Variants in ZC3H6 observed in about 807,000 individuals in gnomAD.
The protein encoded by ZC3H6 is zinc finger CCCH-type containing 6.
A neutral mutation model predicts 107.7 loss-of-function variants in ZC3H6; 40 were observed. The ratio of observed to expected loss-of-function variants is 0.37; its 90% CI spans 0.29 to 0.48. ZC3H6 has a LOEUF of 0.48. Among genes scored for constraint, ZC3H6 ranks in the 20% least tolerant of loss-of-function variants. ZC3H6 has a pLI of 0.98. For synonymous variants in ZC3H6, 493 were observed against 487.9 expected (o/e 1.01, Z -0.14); for missense variants, 1,267 against 1,410.4 (o/e 0.90, Z 1.63).
At chr2:112,321,237 T>C (rs1485198320) in intron 7 of ZC3H6, among the ~76,000 whole-genome samples, 1 of 152,006 alleles carries the variant, frequency 6.6e-6, no homozygotes, top group Non-Finnish European at 1.5e-5. Flanking sequence ...ACATGACATA[T>C]TAAGCCTCTT....
rs1677119919 is a variant in ZC3H6 at position 112,335,275 on chromosome 2, G to T, written c.*2787G>T. 1 of 152,200 alleles carries T rather than the reference G, an allele frequency of 6.6e-6. No homozygotes were observed. Among genetic ancestry groups the T allele is most frequent in the Admixed American group, 6.5e-5 (1 of 15,282 alleles). 9.4% of individuals were successfully genotyped at this position (152,200 alleles called of 1,614,324 possible). On this transcript the variant is annotated 3_prime_UTR_variant, in exon 12 of 12. Coordinates refer to ENST00000409871, the MANE Select transcript of ZC3H6 (RefSeq NM_198581.3). Reference sequence around the variant, plus strand: ...CCCAAATTAGGCTGCAACCGAAAGAGCCTAATTGTGAAATGATGTGCGCTT... The same window carrying T: ...CCCAAATTAGGCTGCAACCGAAAGATCCTAATTGTGAAATGATGTGCGCTT...
chr2:112,293,896 G>A (rs903312058), intron 1 of ZC3H6, among the ~76,000 whole-genome samples: 1 of 152,148 alleles, frequency 6.6e-6, no homozygotes, highest in African/African-American at 2.4e-5. Context: ...AAACTAAACG[G>A]GACCACATGA....
chr2:112,320,141 C>G (rs1676774273), intron 7 of ZC3H6, among the ~76,000 whole-genome samples: 1 of 152,198 alleles, frequency 6.6e-6, no homozygotes, highest in South Asian at 2.1e-4. Context: ...CCATGTTGAT[C>G]AGACTGGTCT....
At chr2:112,282,326 G>T (rs1686543324) in intron 1 of ZC3H6, among the ~76,000 whole-genome samples, 1 of 152,206 alleles carries the variant, frequency 6.6e-6, no homozygotes, top group South Asian at 2.1e-4. Flanking sequence ...CAGTGGCCCT[G>T]CTTTAGTTTT....
chr2:112,289,538 G>A (rs2104698163), intron 1 of ZC3H6, among the ~76,000 whole-genome samples: 1 of 151,990 alleles, frequency 6.6e-6, no homozygotes, highest in East Asian at 1.9e-4. Context: ...TGTTAGCCAG[G>A]CTGGTCTCGA....
At chr2:112,287,694 C>T (rs939709912) in intron 1 of ZC3H6, among the ~76,000 whole-genome samples, 5 of 152,192 alleles carry the variant, frequency 3.3e-5, no homozygotes, top group African/African-American at 7.2e-5. Flanking sequence ...CTCCACCTCC[C>T]GGGTTCACGC....
intron 1 of ZC3H6, among the ~76,000 whole-genome samples, chr2:112,279,974 G>T (rs1251088531): frequency 2.6e-5 from 4 of 152,196 alleles, no homozygotes; most frequent in Non-Finnish European, 4.4e-5. Context: ...GAATTGTAAT[G>T]TGCTACATTT....
rs1180015680 is a variant in ZC3H6 at position 112,275,611 on chromosome 2, C to T, written c.-384C>T. The T allele has an allele frequency of 2.5e-6, 1 of 401,072 alleles. No individual in the cohort carries two copies. Among genetic ancestry groups the T allele is most frequent in the Non-Finnish European group, 4.4e-6 (1 of 226,736 alleles). 24.8% of individuals were successfully genotyped at this position (401,072 alleles called of 1,614,324 possible). On this transcript the variant is annotated 5_prime_UTR_variant, in exon 1 of 12. Coordinates refer to ENST00000409871, the MANE Select transcript of ZC3H6 (RefSeq NM_198581.3). ...TTGCGGCCGGCGCCATTTTCTCGAG[C>T]CGCCTGTTTCGGGTGCCGCCATGTT...
In ZC3H6 at chr2:112,322,744, A is replaced by G. The variant is rs1233749585; in HGVS notation, c.1182A>G (p.Pro394=). The change falls in exon 9 of 12, where the codon CCA becomes CCG. Residue 394 remains proline (P), a synonymous_variant. Transcript: ENST00000409871. The stretch of plus-strand genomic sequence containing the variant: ...TAACTCCTCTTCCCAAACCACCTCC[A>G]GGGGTTGGGCTTCTGCCAACCCCTC... The part of the protein sequence containing the change: ...RGITPLPKPP[P]GVGLLPTPPE... 6.2e-7 allele frequency: 1 copy of G among 1,613,710 alleles called. No homozygotes were observed. Among genetic ancestry groups the G allele is most frequent in the East Asian group, 2.2e-5 (1 of 44,876 alleles).
chr2:112,318,599 T>A (rs1314165172), intron 7 of ZC3H6, among the ~76,000 whole-genome samples: 4 of 152,174 alleles, frequency 2.6e-5, no homozygotes, highest in Non-Finnish European at 4.4e-5. Flanking sequence ...TGTGTCACGT[T>A]TGCAAAAATA....
chr2:112,323,345 C>T (rs1012576781), intron 9 of ZC3H6, among the ~76,000 whole-genome samples: 7 of 152,168 alleles, frequency 4.6e-5, no homozygotes, highest in African/African-American at 1.2e-4. Context: ...CTGCCAGTCC[C>T]CAAGCGTCTG....
rs1677201616 is a variant in ZC3H6, at chr2:112,339,454, C to A, written c.*6966C>A. On this transcript the variant is annotated 3_prime_UTR_variant, in exon 12 of 12. Coordinates refer to ENST00000409871, the MANE Select transcript of ZC3H6 (RefSeq NM_198581.3). ...ACATTCCTTACCCTAAACCCACTGC[C>A]CCATCCACCCAGAATTCAGAAAGGG... 6.6e-6 allele frequency: 1 copy of A among 152,134 alleles called. No homozygotes were observed. The highest frequency in any genetic ancestry group is 2.1e-4 in the South Asian group (1 of 4,820). The allele number at this position is 152,134 out of a possible 1,614,324, so 9.4% of individuals were successfully genotyped here.
chr2:112,304,471 G>T (rs1676438789), intron 3 of ZC3H6, among the ~76,000 whole-genome samples: 1 of 152,154 alleles, frequency 6.6e-6, no homozygotes, highest in Non-Finnish European at 1.5e-5. Context: ...TCCTTGGTTT[G>T]TCACTGGCCT....
At chr2:112,282,297 C>G (rs1325304863) in intron 1 of ZC3H6, among the ~76,000 whole-genome samples, 2 of 152,168 alleles carry the variant, frequency 1.3e-5, no homozygotes, top group Non-Finnish European at 2.9e-5. Context: ...TGCATTGATG[C>G]CCCCGGAGTT....
chr2:112,303,701 T>C (rs1165969941), intron 3 of ZC3H6, among the ~76,000 whole-genome samples: 2 of 152,210 alleles, frequency 1.3e-5, no homozygotes, highest in Non-Finnish European at 2.9e-5. Flanking sequence ...TCACCCAAGC[T>C]GTAGCATGTG....
At chr2:112,304,975 G>C (rs548257064) in intron 3 of ZC3H6, among the ~76,000 whole-genome samples, 1 of 152,194 alleles carries the variant, frequency 6.6e-6, no homozygotes, top group Admixed American at 6.5e-5. Context: ...AATTTGAAAA[G>C]AATTATACAC....
Position 112,302,276 on chromosome 2 carries a change from A to G in ZC3H6, c.214-953A>G, listed in dbSNP as rs75066107. On this transcript the variant is annotated intron_variant, in intron 2 of 11. Coordinates refer to ENST00000409871, the MANE Select transcript of ZC3H6 (RefSeq NM_198581.3). ...AGCATTTGACAGCATAATTATAAAA[A>G]TATTTCTTTATGTCACCTATCAAAT... 7.4e-3 allele frequency among the ~76,000 whole-genome samples: 1,122 copies of G among 152,278 alleles called. 11 individuals are homozygous for G. Among genetic ancestry groups the G allele is most frequent in the African/African-American group, 0.025 (1,057 of 41,566 alleles).
In ZC3H6 at chr2:112,334,207, G is replaced by A. The variant is rs1677099989; in HGVS notation, c.*1719G>A. 6.6e-6 allele frequency: 1 copy of A among 152,072 alleles called. No homozygotes were observed. The highest frequency in any genetic ancestry group is 2.4e-5 in the African/African-American group (1 of 41,492). The allele number at this position is 152,072 out of a possible 1,614,324, so 9.4% of individuals were successfully genotyped here. A position where few individuals can be genotyped will look rare whatever the true frequency, so the allele number is the denominator to read the frequency against. ...CTGATTTACTGTCCAAATGAATTTTGTTGTTAATTGAGAAGTCAATAAAAT... is the reference window on the plus strand; with the variant it reads ...CTGATTTACTGTCCAAATGAATTTTATTGTTAATTGAGAAGTCAATAAAAT... On this transcript the variant is annotated 3_prime_UTR_variant, in exon 12 of 12. Transcript: ENST00000409871.
chr2:112,332,080 C>T lies in ZC3H6; in HGVS notation c.3162C>T (p.His1054=), dbSNP rs772474159. Residue 1054 remains histidine (H), a synonymous_variant, in exon 12 of 12, where the codon CAC becomes CAT. Transcript: ENST00000409871. ...SGISLYDPRD[H]GSSSTSELAT... Reference sequence around the variant, plus strand: ...TTAGTTTGTATGACCCTAGGGATCACGGTTCATCATCCACATCAGAGCTAG... The same window carrying T: ...TTAGTTTGTATGACCCTAGGGATCATGGTTCATCATCCACATCAGAGCTAG... The T allele has an allele frequency of 2.9e-5, 47 of 1,613,986 alleles. 1 individual carries two copies. Among genetic ancestry groups the T allele is most frequent in the South Asian group, 2.9e-4 (26 of 91,074 alleles).
Sources: allele counts gnomAD v4.1 joint callset (sites outside exome capture counted in the v4.1 genomes callset), GRCh38; gene constraint gnomAD v4.1.1; transcripts MANE v1.5; gene names NCBI Gene and HGNC (gene_info 2026-07-23, HGNC 2026-07-21).